Variants in ALLC observed in about 807,000 individuals in gnomAD.
The protein encoded by ALLC is probable inactive allantoicase.
A neutral mutation model predicts 45.0 loss-of-function variants in ALLC; 40 were observed. The observed-to-expected ratio is 0.89, with a 90% CI of 0.69 to 1.16. The LOEUF (loss-of-function observed/expected upper bound fraction) is 1.16. Ranked by LOEUF, ALLC falls within the 50% of genes most tolerant of loss-of-function variation. The pLI is 0.00. For synonymous variants in ALLC, 176 were observed against 178.1 expected, an observed-to-expected ratio of 0.99 and a Z score of 0.09; for missense variants, 488 against 493.1, an observed-to-expected ratio of 0.99 and a Z score of 0.10.
At chr2:3,665,550 G>A (rs1327898655) in intron 1 of ALLC, among the ~76,000 whole-genome samples, 2 of 152,198 alleles carry the variant, frequency 1.3e-5, no homozygotes, top group Non-Finnish European at 2.9e-5. Flanking sequence ...ACTTATGAGT[G>A]AGAACATGTG....
chr2:3,682,752 C>T (rs1034129342), intron 6 of ALLC, among the ~76,000 whole-genome samples, 190 bp from the exon 7 acceptor site: 3 of 152,200 alleles, frequency 2.0e-5, no homozygotes, highest in African/African-American at 7.2e-5. Flanking sequence ...GTCTCGATCT[C>T]CTGACCTTGT....
chr2:3,666,759 C>G (rs977188896), intron 1 of ALLC, among the ~76,000 whole-genome samples: 1 of 152,156 alleles, frequency 6.6e-6, no homozygotes, highest in African/African-American at 2.4e-5. Flanking sequence ...GGTTTAGCAC[C>G]GTTTCAAATT....
chr2:3,692,632 T>C (rs1667553521), intron 7 of ALLC, among the ~76,000 whole-genome samples: 1 of 151,924 alleles, frequency 6.6e-6, no homozygotes, highest in East Asian at 1.9e-4. Context: ...ATAGGGGAGG[T>C]CCCAGGGAGC....
the ALLC span, among the ~76,000 whole-genome samples, chr2:3,651,814 A>C: frequency 6.6e-6 from 1 of 152,174 alleles, no homozygotes; most frequent in Admixed American, 6.5e-5. Context: ...ATTCGCGGGC[A>C]GCTATTCATC....
chr2:3,686,385 A>G (rs1453901225), intron 7 of ALLC, among the ~76,000 whole-genome samples: 1 of 150,970 alleles, frequency 6.6e-6, no homozygotes, highest in Non-Finnish European at 1.5e-5. Context: ...TTTTGAAGTC[A>G]GGTAGTGTGA....
intron 6 of ALLC, 115 bp from the exon 7 acceptor site, chr2:3,682,827 C>T: frequency 8.8e-7 from 1 of 1,133,726 alleles, no homozygotes; most frequent in Non-Finnish European, 1.3e-6. Flanking sequence ...GCCCGGCATC[C>T]ATCATTAATT....
At chr2:3,683,693 A>G (rs1186701710) in intron 7 of ALLC, among the ~76,000 whole-genome samples, 1 of 152,224 alleles carries the variant, frequency 6.6e-6, no homozygotes, top group African/African-American at 2.4e-5. Flanking sequence ...AATGTTTTCA[A>G]GATTCATCCA....
intron 7 of ALLC, among the ~76,000 whole-genome samples, chr2:3,692,879 G>A (rs887058401): frequency 1.3e-5 from 2 of 152,112 alleles, no homozygotes; most frequent in African/African-American, 2.4e-5. Context: ...TGTCCCATGA[G>A]TCAGGGCTGG....
At chr2:3,702,264 C>T in intron 11 of ALLC, 99 bp from the exon 12 acceptor site, 2 of 950,136 alleles carry the variant, frequency 2.1e-6, no homozygotes, top group Middle Eastern at 2.2e-4. Context: ...AAAGCCCCTT[C>T]GGTTAAGTCT....
the ALLC span, among the ~76,000 whole-genome samples, chr2:3,645,821 T>A: frequency 6.6e-6 from 1 of 152,192 alleles, no homozygotes; most frequent in African/African-American, 2.4e-5. This position sits in a 1 kb window ranked among gnomAD's most constrained non-coding sequence, Gnocchi z 4.3. Context: ...TCTTCATTTT[T>A]AAAATAGAAC....
chr2:3,671,539 C>T (rs111731074), intron 2 of ALLC, among the ~76,000 whole-genome samples: 6 of 151,154 alleles, frequency 4.0e-5, no homozygotes, highest in Non-Finnish European at 7.4e-5. Flanking sequence ...GGTCCTCTGG[C>T]TCTGGTTAGA....
chr2:3,655,218 C>T (rs928420312), upstream of ALLC, among the ~76,000 whole-genome samples: 1 of 152,250 alleles, frequency 6.6e-6, no homozygotes, highest in African/African-American at 2.4e-5. Flanking sequence ...TCACAGGCTT[C>T]CGGAACTTCA....
At chr2:3,701,779 C>A in intron 11 of ALLC, 143 bp downstream of exon 11, 1 of 1,041,762 alleles carries the variant, frequency 9.6e-7, no homozygotes, top group Non-Finnish European at 1.3e-6. Flanking sequence ...TATCTGCAAA[C>A]TTTAAGAAGA....
intron 5 of ALLC, 78 bp from the exon 6 acceptor site, chr2:3,681,556 C>G: frequency 1.0e-6 from 1 of 993,998 alleles, no homozygotes; most frequent in Non-Finnish European, 1.5e-6. Context: ...CGAGAATTAC[C>G]ATACAAACCA....
intron 6 of ALLC, among the ~76,000 whole-genome samples, chr2:3,682,703 TTC>T (rs1667219561): frequency 6.6e-6 from 1 of 152,100 alleles, no homozygotes; most frequent in Non-Finnish European, 1.5e-5. Context: ...TTTTTTGTAT[TTC>T]TAGTACAGAC....
intron 1 of ALLC, among the ~76,000 whole-genome samples, chr2:3,660,658 G>T (rs1032042183): frequency 1.4e-5 from 2 of 143,528 alleles, no homozygotes; most frequent in Non-Finnish European, 3.0e-5. Flanking sequence ...TGACGCACGT[G>T]GCCCCTGCTG....
At chr2:3,661,142 C>T (rs1666566808) in intron 1 of ALLC, among the ~76,000 whole-genome samples, 3 of 152,074 alleles carry the variant, frequency 2.0e-5, no homozygotes, top group African/African-American at 7.2e-5. Context: ...TGAGAGCCTC[C>T]GTCCCGTCTC....
the ALLC span, among the ~76,000 whole-genome samples, chr2:3,650,114 CAAG>C: frequency 3.3e-5 from 5 of 152,246 alleles, no homozygotes; most frequent in African/African-American, 9.6e-5. Flanking sequence ...TTGCAGAAAA[CAAG>C]AGCCGTTCGG....
intron 1 of ALLC, among the ~76,000 whole-genome samples, chr2:3,659,032 C>T (rs13384889): frequency 0.057 from 8,713 of 152,172 alleles, 362 homozygotes; most frequent in East Asian, 0.21. Context: ...GCTCAGAGTC[C>T]CTGCTCAAGG....
Sources: allele counts gnomAD v4.1 joint callset (sites outside exome capture counted in the v4.1 genomes callset), GRCh38; gene constraint gnomAD v4.1.1; non-coding constraint Gnocchi (gnomAD v3.1); transcripts MANE v1.5; gene names NCBI Gene and HGNC (gene_info 2026-07-23, HGNC 2026-07-21).